Variants in ZNF644 observed in about 807,000 individuals in gnomAD.
ZNF644 encodes zinc finger motif enhancer binding protein 2.
Under a neutral mutation model 108.0 loss-of-function variants are expected in ZNF644, and 20 were observed. That is an observed-to-expected ratio of 0.19 (90% CI 0.13 to 0.27). ZNF644 has a LOEUF of 0.27. Among genes scored for constraint, ZNF644 ranks in the 10% least tolerant of loss-of-function variants. ZNF644 has a pLI of 1.00. For missense variants in ZNF644, 1,338 were observed against 1,548.9 expected (o/e 0.86, Z 2.29); for synonymous variants, 542 against 539.1 (o/e 1.01, Z -0.08).
intron 1 of ZNF644, among the ~76,000 whole-genome samples, chr1:91,014,346 T>TA (rs1199051713): frequency 6.6e-6 from 1 of 152,164 alleles, no homozygotes; most frequent in African/African-American, 2.4e-5. Context: ...TTAAATATTA[T>TA]ATTAGGAATT....
intron 1 of ZNF644, among the ~76,000 whole-genome samples, chr1:91,010,996 T>C (rs1025024841): frequency 6.6e-6 from 1 of 152,226 alleles, no homozygotes; most frequent in Admixed American, 6.5e-5. Flanking sequence ...ACATAGTCAG[T>C]TCTGAAAACT....
chr1:91,016,110 ATGTG>A (rs139752384), intron 1 of ZNF644, among the ~76,000 whole-genome samples: 9 of 152,038 alleles, frequency 5.9e-5, no homozygotes, highest in Non-Finnish European at 1.2e-4. Context: ...TTGTGATTCT[ATGTG>A]TGTGTGTGTC....
chr1:90,960,702 T>G (rs908400383), intron 2 of ZNF644, among the ~76,000 whole-genome samples: 3 of 152,090 alleles, frequency 2.0e-5, no homozygotes, highest in Admixed American at 6.6e-5. Flanking sequence ...ATAGGTTCCT[T>G]CTAATATCCT....
At chr1:91,005,206 A>C (rs1570565424) in intron 1 of ZNF644, among the ~76,000 whole-genome samples, 1 of 152,296 alleles carries the variant, frequency 6.6e-6, no homozygotes, top group East Asian at 1.9e-4. Context: ...CAGAAACAAC[A>C]GACATTAAGA....
chr1:90,991,156 T>C (rs189518512), intron 1 of ZNF644, among the ~76,000 whole-genome samples: 50 of 152,292 alleles, frequency 3.3e-4, no homozygotes, highest in Non-Finnish European at 3.2e-4. Flanking sequence ...CAACAATACA[T>C]GAATGACAAG....
intron 1 of ZNF644, among the ~76,000 whole-genome samples, chr1:90,982,786 T>C (rs1031821651): frequency 2.0e-5 from 3 of 152,088 alleles, no homozygotes; most frequent in African/African-American, 4.8e-5. Context: ...AATGTTATAG[T>C]ATTGGAACAC....
intron 4 of ZNF644, among the ~76,000 whole-genome samples, chr1:90,932,135 T>C (rs986247569): frequency 6.6e-6 from 1 of 152,152 alleles, no homozygotes; most frequent in Non-Finnish European, 1.5e-5. Flanking sequence ...TTTCAGTGTA[T>C]TCAGGATACT....
At chr1:90,992,658 A>G (rs962116563) in intron 1 of ZNF644, among the ~76,000 whole-genome samples, 2 of 152,248 alleles carry the variant, frequency 1.3e-5, no homozygotes, top group African/African-American at 4.8e-5. Flanking sequence ...ATCTAATTTT[A>G]CCAACTGAAA....
intron 1 of ZNF644, among the ~76,000 whole-genome samples, chr1:90,983,777 G>C (rs1289062729): frequency 6.6e-6 from 1 of 152,010 alleles, no homozygotes. Flanking sequence ...AAATACAAAA[G>C]TTAGCTGGGC....
intron 4 of ZNF644, among the ~76,000 whole-genome samples, chr1:90,925,982 C>G (rs2475831): frequency 0.12 from 18,425 of 152,034 alleles, 1,161 homozygotes; most frequent in South Asian, 0.15. Flanking sequence ...AAGCAAGTCT[C>G]GTTAGGTCCC....
chr1:90,925,030 T>C lies in ZNF644; in HGVS notation c.3689-6876A>G, dbSNP rs189293537. ...TAGCTCTGGCCAACCACATGCCTTG[T>C]TATATTATAAGGGCTAATTCTATCT... On this transcript the variant is annotated intron_variant, in intron 4 of 5. Coordinates refer to ENST00000337393, the MANE Select transcript of ZNF644 (RefSeq NM_201269.3). 2.6e-4 allele frequency among the ~76,000 whole-genome samples: 39 copies of C among 152,290 alleles called. No individual in the cohort carries two copies. The East Asian group carries it at 6.9e-3, about 27-fold the overall frequency.
At chr1:90,933,958 A>G (rs1651039662) in intron 4 of ZNF644, among the ~76,000 whole-genome samples, 1 of 152,246 alleles carries the variant, frequency 6.6e-6, no homozygotes, top group South Asian at 2.1e-4. Context: ...TGTAAAGATT[A>G]AATGTTATGC....
At chr1:90,964,339 C>G (rs1192763305) in intron 2 of ZNF644, among the ~76,000 whole-genome samples, 1 of 151,948 alleles carries the variant, frequency 6.6e-6, no homozygotes, top group Non-Finnish European at 1.5e-5. Context: ...AATCTATTTT[C>G]TCACATTTAG....
In ZNF644 at chr1:90,940,614, C is replaced by A; in HGVS notation, c.740G>T (p.Gly247Val). ...CVNTVTGISSGTDGFRSENDT... is the reference protein window; with the variant it reads ...CVNTVTGISSVTDGFRSENDT... The stretch of plus-strand genomic sequence containing the variant: ...ATTTTCTGACCTAAATCCATCTGTA[C>A]CTGAGGAAATTCCCGTTACTGTATT... Residue 247 changes from glycine (G) to valine (V), a missense_variant, in exon 3 of 6, where the codon GGT becomes GTT. Transcript: ENST00000337393. 6.2e-7 allele frequency: 1 copy of A among 1,613,878 alleles called. No homozygotes were observed. The highest frequency in any genetic ancestry group is 8.5e-7 in the Non-Finnish European group (1 of 1,179,964).
rs1031208740 is a variant in ZNF644, at chr1:90,916,681, C to A, written c.*117G>T. ...TTTGCTCTGATGTCACTGTAATTCA[C>A]TTTCCCCCCATTTTCCTGCTTTAGT... is the stretch of plus-strand genomic sequence containing the variant. On this transcript the variant is annotated 3_prime_UTR_variant, in exon 6 of 6. Transcript: ENST00000337393. The A allele has an allele frequency of 4.4e-6, 5 of 1,129,924 alleles. No homozygotes were observed. The African/African-American group carries it at 7.8e-5, about 18-fold the overall frequency. The allele number at this position is 1,129,924 out of a possible 1,614,324, so 70.0% of individuals were successfully genotyped here.
intron 2 of ZNF644, among the ~76,000 whole-genome samples, chr1:90,979,033 G>A (rs1201899126): frequency 2.0e-5 from 3 of 152,124 alleles, no homozygotes; most frequent in Non-Finnish European, 4.4e-5. Flanking sequence ...CTTTGGACTT[G>A]CTAGAGGGCA....
At chr1:91,013,360 G>A (rs898180221) in intron 1 of ZNF644, among the ~76,000 whole-genome samples, 14 of 152,038 alleles carry the variant, frequency 9.2e-5, no homozygotes, top group African/African-American at 3.4e-4. Context: ...ACAGGCATGA[G>A]CCAATGCACC....
intron 1 of ZNF644, among the ~76,000 whole-genome samples, chr1:91,013,604 A>G (rs1267542481): frequency 6.6e-6 from 1 of 152,142 alleles, no homozygotes; most frequent in Non-Finnish European, 1.5e-5. Flanking sequence ...CTTTATGGGA[A>G]TATTCTTCTC....
chr1:90,982,310 C>A lies in ZNF644; in HGVS notation c.44G>T (p.Arg15Ile), dbSNP rs147024894. ...TTTAACAAAGCAGTCTTCTACTTAC[C>A]TAGATTTTGTCTTATTAACATCTTG... ...LQQDVNKTKS[R>I]LNVLNGLANN... The change falls in exon 2 of 6, where the codon AGA (arginine) becomes ATA (isoleucine). Residue 15 changes from arginine (R) to isoleucine (I), a missense_variant and splice_region_variant. Coordinates refer to ENST00000337393, the MANE Select transcript of ZNF644 (RefSeq NM_201269.3). The A allele has an allele frequency of 2.5e-6, 4 of 1,608,926 alleles. No homozygotes were observed. In the African/African-American group the frequency reaches 5.3e-5, roughly 21 times the overall value.
Sources: allele counts gnomAD v4.1 joint callset (sites outside exome capture counted in the v4.1 genomes callset), GRCh38; gene constraint gnomAD v4.1.1; transcripts MANE v1.5; gene names NCBI Gene and HGNC (gene_info 2026-07-23, HGNC 2026-07-21).